The following FOXP2 variants were observed in gnomAD, a reference collection of about 807,000 sequenced individuals.
FOXP2 encodes forkhead box P2.
FOXP2 carries 12 observed loss-of-function variants against 115.8 expected under a neutral mutation model. The observed-to-expected ratio is 0.10, with a 90% confidence interval of 0.07 to 0.17. FOXP2 has a LOEUF of 0.17. Ranked by LOEUF, FOXP2 falls within the 10% of genes least tolerant of loss-of-function variation. The probability of loss-of-function intolerance (pLI) is 1.00; values close to 1 mark genes in which losing one functional copy is unlikely to be tolerated. For synonymous variants in FOXP2, 328 were observed against 297.7 expected (o/e 1.10, Z -1.05); for missense variants, 629 against 843.5 (o/e 0.75, Z 3.15).
chr7:114,415,474 T>G (rs1793297460), intron 1 of FOXP2, 114 bp downstream of exon 1: 5 of 364,130 alleles, frequency 1.4e-5, no homozygotes, highest in Admixed American at 1.1e-4. Context: ...TTTCTGAGAC[T>G]GTAGCTCATT....
chr7:114,134,557 CA>C (rs1791978617), intron 1 of FOXP2, among the ~76,000 whole-genome samples: 1 of 151,386 alleles, frequency 6.6e-6, no homozygotes. Flanking sequence ...ACTAAAAATA[CA>C]AAAAATTAGC....
chr7:114,168,705 G>A (rs1793050084), intron 1 of FOXP2, among the ~76,000 whole-genome samples: 1 of 152,188 alleles, frequency 6.6e-6, no homozygotes, highest in Non-Finnish European at 1.5e-5. Flanking sequence ...TGAGCTGAAT[G>A]TGAATCCTCA....
chr7:114,588,502 T>C (rs1389865236), intron 3 of FOXP2, among the ~76,000 whole-genome samples: 1 of 152,144 alleles, frequency 6.6e-6, no homozygotes, highest in African/African-American at 2.4e-5. Flanking sequence ...GAAAATGAAA[T>C]ACTCTCTGCC....
rs772558064 is a variant in FOXP2 at position 114,628,614 on chromosome 7, A to G, written c.333A>G (p.Gln111=). The change falls in exon 4 of 17, where the codon CAA becomes CAG. Residue 111 remains glutamine (Q), a synonymous_variant. Coordinates refer to ENST00000350908, the MANE Select transcript of FOXP2 (RefSeq NM_014491.4). ...AAATGCAGCAGATCCTTCAGCAACAAGTCCTGTCTCCTCAGCAGCTACAAG... is the reference window on the plus strand; with the variant it reads ...AAATGCAGCAGATCCTTCAGCAACAGGTCCTGTCTCCTCAGCAGCTACAAG... ...PQQMQQILQQ[Q]VLSPQQLQAL... is the part of the protein sequence containing the mutation. 2 of 1,613,964 alleles carry G rather than the reference A, an allele frequency of 1.2e-6. No homozygotes were observed. The highest frequency in any genetic ancestry group is 3.3e-5 in the Admixed American group (2 of 59,990).
At chr7:114,286,448 G>T (rs1179676826) in intron 1 of FOXP2, among the ~76,000 whole-genome samples, 1 of 151,934 alleles carries the variant, frequency 6.6e-6, no homozygotes, top group East Asian at 1.9e-4. Flanking sequence ...AGTTGGAGAA[G>T]TTTCCCTATG....
intron 3 of FOXP2, among the ~76,000 whole-genome samples, chr7:114,611,028 C>T (rs182689119): frequency 3.3e-4 from 50 of 152,230 alleles, no homozygotes; most frequent in African/African-American, 1.1e-3. Flanking sequence ...GTGTGAAATT[C>T]TGTGTGTAAG....
At chr7:114,565,239 T>C (rs1369136008) in intron 3 of FOXP2, among the ~76,000 whole-genome samples, 3 of 152,124 alleles carry the variant, frequency 2.0e-5, no homozygotes, top group African/African-American at 7.2e-5. Flanking sequence ...TTACAAGACT[T>C]TTTTTATTTT....
intron 2 of FOXP2, among the ~76,000 whole-genome samples, chr7:114,485,015 G>A (rs1463362147): frequency 6.6e-6 from 1 of 151,756 alleles, no homozygotes; most frequent in Non-Finnish European, 1.5e-5. Context: ...GAAAAAATCT[G>A]TTTGAAATAT....
intron 15 of FOXP2, 76 bp from the exon 16 acceptor site, chr7:114,664,197 A>T: frequency 6.8e-7 from 1 of 1,480,992 alleles, no homozygotes; most frequent in Non-Finnish European, 9.3e-7. Context: ...GGAACCCATT[A>T]AAAGAAGATA....
intron 8 of FOXP2, among the ~76,000 whole-genome samples, chr7:114,647,706 G>A (rs1805992334): frequency 1.3e-5 from 2 of 151,952 alleles, no homozygotes; most frequent in Non-Finnish European, 2.9e-5. Context: ...TCTTATAAAT[G>A]TCAAAGAGTA....
intron 2 of FOXP2, among the ~76,000 whole-genome samples, chr7:114,490,088 A>G (rs901806248): frequency 6.6e-6 from 1 of 152,184 alleles, no homozygotes; most frequent in Non-Finnish European, 1.5e-5. Flanking sequence ...CCAAGGATTG[A>G]AAACTTATAT....
At chr7:114,136,330 T>C (rs1792037444) in intron 1 of FOXP2, among the ~76,000 whole-genome samples, 1 of 152,080 alleles carries the variant, frequency 6.6e-6, no homozygotes, top group African/African-American at 2.4e-5. Context: ...AGCTGTACTT[T>C]GTCTCCTAGG....
chr7:114,634,785 C>T (rs1463778060), intron 6 of FOXP2, among the ~76,000 whole-genome samples: 2 of 151,472 alleles, frequency 1.3e-5, no homozygotes, highest in African/African-American at 4.9e-5. Context: ...TTTAATGAAC[C>T]AGGATAATTG....
At chr7:114,616,145 G>GTTTTATGTT (rs1455558902) in intron 3 of FOXP2, among the ~76,000 whole-genome samples, 2 of 151,442 alleles carry the variant, frequency 1.3e-5, no homozygotes, top group East Asian at 3.9e-4. Context: ...CAGGTGAGTT[G>GTTTTATGTT]TTTTATGTTT....
intron 2 of FOXP2, among the ~76,000 whole-genome samples, chr7:114,341,922 A>T (rs1791226399): frequency 6.6e-6 from 1 of 151,278 alleles, no homozygotes; most frequent in African/African-American, 2.4e-5. Context: ...CTTGATTCTT[A>T]TGGCTAGATT....
At chr7:114,432,428 C>T (rs1404476467) in intron 2 of FOXP2, among the ~76,000 whole-genome samples, 1 of 151,982 alleles carries the variant, frequency 6.6e-6, no homozygotes, top group African/African-American at 2.4e-5. Context: ...AATTTACACT[C>T]TCTTATTCAA....
chr7:114,595,776 A>G (rs994490449), intron 3 of FOXP2, among the ~76,000 whole-genome samples: 3 of 151,984 alleles, frequency 2.0e-5, no homozygotes, highest in Admixed American at 6.6e-5. Flanking sequence ...AGCGTAATCA[A>G]TGATACAGAA....
intron 6 of FOXP2, among the ~76,000 whole-genome samples, chr7:114,632,427 ATGAC>A (rs1318912512): frequency 1.3e-5 from 2 of 152,212 alleles, no homozygotes; most frequent in Admixed American, 6.5e-5. Flanking sequence ...TGGTAAACAA[ATGAC>A]TGTGTGCTAA....
chr7:114,589,411 A>G (rs963090986), intron 3 of FOXP2, among the ~76,000 whole-genome samples: 1 of 152,062 alleles, frequency 6.6e-6, no homozygotes, highest in Non-Finnish European at 1.5e-5. Flanking sequence ...GACAAGTTTC[A>G]CCTTAGGATC....
Sources: gnomAD v4.1 joint callset for allele counts (sites outside exome capture counted in the v4.1 genomes callset) on GRCh38, gnomAD v4.1.1 for gene constraint, MANE v1.5 for transcripts, NCBI Gene and HGNC (gene_info 2026-07-23, HGNC 2026-07-21) for gene names.